RRP12: variants seen among roughly 807,000 people sequenced by gnomAD.
RRP12 encodes the protein RRP12-like protein.
In RRP12, 78 loss-of-function variants were observed where a neutral mutation model predicts 157.3. The ratio of observed to expected loss-of-function variants is 0.50; its 90% CI spans 0.41 to 0.60. The LOEUF (loss-of-function observed/expected upper bound fraction) is 0.60. Ranked by LOEUF, RRP12 falls within the 20% of genes least tolerant of loss-of-function variation. RRP12 has a pLI of 0.00. For missense variants in RRP12, 1,521 were observed against 1,679.9 expected (o/e 0.91, Z 1.65); for synonymous variants, 726 against 670.9 (o/e 1.08, Z -1.27).
Position 97,358,591 on chromosome 10 carries a change from CCTTT to C in RRP12, c.3733_3736del (p.Lys1245AlafsTer22). On this transcript the variant is annotated frameshift_variant, in exon 33 of 34. Coordinates refer to ENST00000370992, the MANE Select transcript of RRP12 (RefSeq NM_015179.4). LOFTEE classifies it high-confidence loss of function. ...GATGTAGGCATAGGGATCCGGCCGG[CCTTT>C]CTTCTTCACATCACCTTTTGCTTTC... 6.2e-7 allele frequency: 1 copy of C among 1,614,020 alleles called. No homozygotes were observed. Among genetic ancestry groups the C allele is most frequent in the Non-Finnish European group, 8.5e-7 (1 of 1,179,978 alleles).
intron 10 of RRP12, among the ~76,000 whole-genome samples, chr10:97,382,486 T>C (rs551574272): frequency 6.6e-6 from 1 of 152,310 alleles, no homozygotes; most frequent in African/African-American, 2.4e-5. Context: ...CAATCACTGA[T>C]ATAACATACA....
At chr10:97,368,663 T>A (rs915914337) in intron 25 of RRP12, among the ~76,000 whole-genome samples, 3 of 152,184 alleles carry the variant, frequency 2.0e-5, no homozygotes, top group Admixed American at 2.0e-4. Flanking sequence ...CGGCCAGGGC[T>A]TGTATAAATT....
Position 97,358,606 on chromosome 10 carries a change from T to A in RRP12, c.3722A>T (p.Asp1241Val). 1 of 1,613,814 alleles carries A rather than the reference T, an allele frequency of 6.2e-7. No homozygotes were observed. Among genetic ancestry groups the A allele is most frequent in the Non-Finnish European group, 8.5e-7 (1 of 1,179,824 alleles). ...AEYKAKKAKG[D>V]VKKKGRPDPY... ...ATCCGGCCGGCCTTTCTTCTTCACATCACCTTTTGCTTTCTGCTTGCCCAG... is the reference window on the plus strand; with the variant it reads ...ATCCGGCCGGCCTTTCTTCTTCACAACACCTTTTGCTTTCTGCTTGCCCAG... The change falls in exon 33 of 34, where the codon GAT becomes GTT. Residue 1241 changes from aspartate (D) to valine (V), a missense_variant. Physicochemically the swap from Asp to Val is radical, Grantham distance 152. Transcript: ENST00000370992.
intron 13 of RRP12, 66 bp from the exon 14 acceptor site, chr10:97,379,836 C>A: frequency 1.3e-6 from 2 of 1,501,142 alleles, no homozygotes; most frequent in South Asian, 2.6e-5. Flanking sequence ...GACAAGACCC[C>A]GCTGAACGAT....
chr10:97,367,474 G>C (rs560876902), intron 25 of RRP12: 2 of 322,978 alleles, frequency 6.2e-6, no homozygotes, highest in Non-Finnish European at 1.2e-5. Flanking sequence ...AAGAGGACAC[G>C]GCGGCACAGA....
At chr10:97,356,615 A>C (rs929873698), downstream of RRP12, 3 of 154,094 alleles carry the variant, frequency 1.9e-5, no homozygotes, top group African/African-American at 7.2e-5. Context: ...GTTAGACAGG[A>C]AGAGGTCAGG....
intron 20 of RRP12, 178 bp from the exon 21 acceptor site, chr10:97,371,259 G>C: frequency 1.5e-6 from 1 of 667,060 alleles, no homozygotes. Context: ...GAGGCACAGG[G>C]GTTGGGGGTG....
chr10:97,383,515 T>G (rs11189178), intron 10 of RRP12, among the ~76,000 whole-genome samples: 58,111 of 152,110 alleles, frequency 0.38, 11,571 homozygotes, highest in African/African-American at 0.5. Flanking sequence ...GGCAGGCCGT[T>G]GGAACCCTTA....
chr10:97,360,401 TCATATCAGCCAACCTCTGTTGGTGC>T, intron 31 of RRP12, 120 bp downstream of exon 31: 1 of 672,546 alleles, frequency 1.5e-6, no homozygotes, highest in South Asian at 1.7e-5. Flanking sequence ...ATCTTGAGTG[TCATATCAGCCAACCTCTGTTGGTGC>T]CAAGTGAGTG....
intron 25 of RRP12, 23 bp from the exon 26 acceptor site, chr10:97,367,155 T>G: frequency 6.2e-7 from 1 of 1,607,478 alleles, no homozygotes; most frequent in Non-Finnish European, 8.5e-7. Context: ...GCACCAGGCT[T>G]TCAGGGAGGC....
intron 4 of RRP12, among the ~76,000 whole-genome samples, chr10:97,392,580 C>T (rs1417074468): frequency 2.0e-5 from 3 of 151,252 alleles, no homozygotes; most frequent in Non-Finnish European, 4.4e-5. Flanking sequence ...AACTCCTGGC[C>T]GCAAGCAATC....
At chr10:97,367,214 A>G in intron 25 of RRP12, 82 bp from the exon 26 acceptor site, 2 of 1,184,974 alleles carry the variant, frequency 1.7e-6, no homozygotes, top group Non-Finnish European at 2.5e-6. Context: ...CCAGGGACGC[A>G]GCATGATCAA....
intron 2 of RRP12, among the ~76,000 whole-genome samples, chr10:97,396,917 A>G (rs879670784): frequency 2.2e-4 from 34 of 152,006 alleles, no homozygotes; most frequent in Admixed American, 4.6e-4. Context: ...GGTGTGCACC[A>G]CCATGCCCAG....
chr10:97,396,292 C>A lies in RRP12; in HGVS notation c.379G>T (p.Val127Phe). Residue 127 changes from valine (V) to phenylalanine (F), a missense_variant, in exon 3 of 34, where the codon GTT (valine) becomes TTT (phenylalanine). Physicochemically the swap from Val to Phe is conservative, Grantham distance 50. Coordinates refer to ENST00000370992, the MANE Select transcript of RRP12 (RefSeq NM_015179.4). ...ATCACCTCAGTGACAGCAGCCAGAA[C>A]AGCACAGATCTGCACAGGAGGGAGA... ...NSAAHKEICAVLAAVTEVIRS... is the reference protein window; with the variant it reads ...NSAAHKEICAFLAAVTEVIRS... 1 of 1,613,610 alleles carries A rather than the reference C, an allele frequency of 6.2e-7. No individual in the cohort carries two copies. Among genetic ancestry groups the A allele is most frequent in the Non-Finnish European group, 8.5e-7 (1 of 1,179,564 alleles).
intron 30 of RRP12, among the ~76,000 whole-genome samples, chr10:97,362,919 G>A (rs1843881861): frequency 1.3e-5 from 2 of 152,228 alleles, no homozygotes; most frequent in Admixed American, 1.3e-4. Flanking sequence ...TGTGGGGGAA[G>A]TCTGTAACAC....
At chr10:97,386,667 T>A (rs189456700) in intron 8 of RRP12, among the ~76,000 whole-genome samples, 3 of 152,246 alleles carry the variant, frequency 2.0e-5, no homozygotes, top group Non-Finnish European at 4.4e-5. Flanking sequence ...TTTACAATTT[T>A]AAAAATATGT....
At chr10:97,375,198 A>G (rs1475779310) in intron 15 of RRP12, among the ~76,000 whole-genome samples, 2 of 151,432 alleles carry the variant, frequency 1.3e-5, no homozygotes, top group African/African-American at 4.9e-5. Context: ...GGCTCAAGAA[A>G]TCCTCTTTCC....
chr10:97,398,538 G>T (rs983690061), intron 2 of RRP12, among the ~76,000 whole-genome samples: 1 of 150,586 alleles, frequency 6.6e-6, no homozygotes, highest in Non-Finnish European at 1.5e-5. Flanking sequence ...GTAGAGATGG[G>T]TTTTCACCAT....
At chr10:97,370,421 G>A (rs755511218) in intron 23 of RRP12, 34 bp downstream of exon 23, 1 of 1,499,574 alleles carries the variant, frequency 6.7e-7, no homozygotes, top group Non-Finnish European at 9.1e-7. Flanking sequence ...CAGTCTATGA[G>A]CAGAGTGTCC....
Sources: allele counts gnomAD v4.1 joint callset (sites outside exome capture counted in the v4.1 genomes callset), GRCh38; gene constraint gnomAD v4.1.1; transcripts MANE v1.5; gene names NCBI Gene and HGNC (gene_info 2026-07-23, HGNC 2026-07-21).